Variants in PACRG observed in about 807,000 individuals in gnomAD.
PACRG encodes parkin coregulated, also known as parkin coregulated gene protein.
In PACRG, 29 loss-of-function variants were observed where a neutral mutation model predicts 29.7. The observed-to-expected ratio is 0.98, with a 90% confidence interval of 0.73 to 1.33. The LOEUF is 1.33. Among genes scored for constraint, PACRG ranks in the 40% most tolerant of loss-of-function variants. The probability of loss-of-function intolerance (pLI) is 0.00; values close to 1 mark genes in which losing one functional copy is unlikely to be tolerated. For synonymous variants in PACRG, 116 were observed against 118.7 expected, an observed-to-expected ratio of 0.98 and a Z score of 0.15; for missense variants, 279 against 316.2, an observed-to-expected ratio of 0.88 and a Z score of 0.89.
chr6:163,138,874 A>G (rs1562935376), intron 4 of PACRG, among the ~76,000 whole-genome samples: 2 of 152,352 alleles, frequency 1.3e-5, no homozygotes, highest in Non-Finnish European at 2.9e-5. Context: ...AGAGTTTCCT[A>G]TATTACCTCA....
At chr6:162,742,442 TA>T (rs1004547301) in intron 1 of PACRG, among the ~76,000 whole-genome samples, 2 of 152,206 alleles carry the variant, frequency 1.3e-5, no homozygotes, top group Admixed American at 1.3e-4. Context: ...TTTTTCTTTA[TA>T]AATTACCCAG....
chr6:162,760,929 T>G (rs922292131), intron 1 of PACRG, among the ~76,000 whole-genome samples: 2 of 152,046 alleles, frequency 1.3e-5, no homozygotes, highest in Non-Finnish European at 2.9e-5. Flanking sequence ...GTTGTCATAG[T>G]GGAGATGTGG....
chr6:162,929,986 G>A (rs759862632), intron 2 of PACRG, among the ~76,000 whole-genome samples: 37 of 151,892 alleles, frequency 2.4e-4, no homozygotes, highest in African/African-American at 8.4e-4. Context: ...CTATAGCTTC[G>A]TAATATATAT....
chr6:163,078,264 G>T (rs1018035591), intron 3 of PACRG, among the ~76,000 whole-genome samples: 6 of 152,180 alleles, frequency 3.9e-5, no homozygotes, highest in African/African-American at 1.2e-4. Flanking sequence ...ACTCTGGGAG[G>T]CCGAGGTGGG....
intron 1 of PACRG, among the ~76,000 whole-genome samples, chr6:162,741,675 C>T (rs1269748593): frequency 1.3e-5 from 2 of 152,176 alleles, no homozygotes; most frequent in Non-Finnish European, 2.9e-5. Flanking sequence ...GGAACACAAA[C>T]AGTCAGTATC....
At chr6:162,787,570 G>GTA (rs1784570517) in intron 1 of PACRG, among the ~76,000 whole-genome samples, 2 of 56,670 alleles carry the variant, frequency 3.5e-5, no homozygotes, top group African/African-American at 1.5e-4. Context: ...GTGTGTGTGT[G>GTA]TGTGTGTGTG....
At position 163,314,328 on chromosome 6, in the gene PACRG, G is replaced by T. The variant is rs1785560479; in HGVS notation, c.614-499G>T. 2.0e-5 allele frequency among the ~76,000 whole-genome samples: 3 copies of T among 152,216 alleles called. No homozygotes were observed. In the South Asian group the frequency reaches 6.2e-4, roughly 32 times the overall value. ...ATGAGCAAAATGATTTCAAGGAACTGAACACTTGGATTACTGGGATTCAGG... is the reference window on the plus strand; with the variant it reads ...ATGAGCAAAATGATTTCAAGGAACTTAACACTTGGATTACTGGGATTCAGG... On this transcript the variant is annotated intron_variant, in intron 4 of 4. Transcript: ENST00000366888.
chr6:162,742,757 T>C (rs1206239061), intron 1 of PACRG, among the ~76,000 whole-genome samples: 1 of 152,140 alleles, frequency 6.6e-6, no homozygotes, highest in Non-Finnish European at 1.5e-5. Context: ...CTTAGGTTGT[T>C]TCCATACCTT....
chr6:163,237,549 C>G (rs552742104), intron 4 of PACRG, among the ~76,000 whole-genome samples: 1 of 152,096 alleles, frequency 6.6e-6, no homozygotes, highest in Non-Finnish European at 1.5e-5. Context: ...GTAAGGCCAA[C>G]GGTAACATTA....
intron 1 of PACRG, among the ~76,000 whole-genome samples, chr6:162,752,969 A>G (rs981183745): frequency 6.6e-6 from 1 of 151,936 alleles, no homozygotes; most frequent in Non-Finnish European, 1.5e-5. Flanking sequence ...AAACTTATTA[A>G]TGTTATTTTG....
intron 1 of PACRG, among the ~76,000 whole-genome samples, chr6:162,761,203 A>G (rs1015430875): frequency 6.6e-6 from 1 of 152,168 alleles, no homozygotes; most frequent in African/African-American, 2.4e-5. Flanking sequence ...AAGCAAAGCC[A>G]TTTAGCTCCC....
chr6:162,778,021 C>G (rs533485083), intron 1 of PACRG, among the ~76,000 whole-genome samples: 1 of 152,112 alleles, frequency 6.6e-6, no homozygotes, highest in Non-Finnish European at 1.5e-5. Context: ...CTATTCAGGC[C>G]TCACAGAGCA....
chr6:163,238,611 A>T (rs980821378), intron 4 of PACRG, among the ~76,000 whole-genome samples: 1 of 152,238 alleles, frequency 6.6e-6, no homozygotes, highest in African/African-American at 2.4e-5. Context: ...ACTGCCCCAC[A>T]TGGGGCATTT....
chr6:163,124,337 T>C (rs938741405), intron 4 of PACRG, among the ~76,000 whole-genome samples: 1 of 152,140 alleles, frequency 6.6e-6, no homozygotes, highest in Non-Finnish European at 1.5e-5. Flanking sequence ...TCAGAACAAT[T>C]TGACCAGGAC....
intron 2 of PACRG, among the ~76,000 whole-genome samples, chr6:162,829,018 T>A (rs1345511955): frequency 2.0e-5 from 3 of 152,248 alleles, no homozygotes; most frequent in Non-Finnish European, 2.9e-5. Flanking sequence ...TGTGAGTTTA[T>A]GCAAATATAT....
intron 2 of PACRG, among the ~76,000 whole-genome samples, chr6:162,906,974 T>C (rs1413070886): frequency 6.6e-6 from 1 of 152,230 alleles, no homozygotes; most frequent in African/African-American, 2.4e-5. Flanking sequence ...TACTCAAATG[T>C]GGGCTTCATC....
intron 4 of PACRG, among the ~76,000 whole-genome samples, chr6:163,250,119 A>G (rs540762913): frequency 1.2e-4 from 18 of 152,372 alleles, no homozygotes; most frequent in Admixed American, 9.8e-4. Flanking sequence ...ATTGCAGGAA[A>G]CAACAGTTGC....
chr6:162,935,283 C>T (rs1396830244), intron 2 of PACRG, among the ~76,000 whole-genome samples: 3 of 151,808 alleles, frequency 2.0e-5, no homozygotes, highest in African/African-American at 7.3e-5. Context: ...TTATCTAGGA[C>T]TTTTTCTATT....
At chr6:162,924,173 G>T (rs117464957) in intron 2 of PACRG, among the ~76,000 whole-genome samples, 10,076 of 151,736 alleles carry the variant, frequency 0.066, 453 homozygotes, top group Middle Eastern at 0.11. Flanking sequence ...TACTTTCTTG[G>T]TTTCTTTTTC....
Sources: allele counts gnomAD v4.1 joint callset (sites outside exome capture counted in the v4.1 genomes callset), GRCh38; gene constraint gnomAD v4.1.1; transcripts MANE v1.5; gene names NCBI Gene and HGNC (gene_info 2026-07-23, HGNC 2026-07-21).